The following MARCHF7 variants were observed in gnomAD, a reference collection of about 807,000 sequenced individuals.
MARCHF7 encodes the protein membrane associated ring-CH-type finger 7, also known as E3 ubiquitin-protein ligase MARCHF7.
A neutral mutation model predicts 76.5 loss-of-function variants in MARCHF7; 20 were observed. That is an observed-to-expected ratio of 0.26 (90% CI 0.18 to 0.38). The LOEUF (loss-of-function observed/expected upper bound fraction) is 0.38. Among genes scored for constraint, MARCHF7 ranks in the 10% least tolerant of loss-of-function variants. The probability of loss-of-function intolerance (pLI) is 1.00; values close to 1 mark genes in which losing one functional copy is unlikely to be tolerated. For synonymous variants in MARCHF7, 295 were observed against 293.0 expected (o/e 1.01, Z -0.07); for missense variants, 797 against 812.9 (o/e 0.98, Z 0.24).
At chr2:159,725,860 C>G (rs975678916) in intron 3 of MARCHF7, among the ~76,000 whole-genome samples, 1 of 152,112 alleles carries the variant, frequency 6.6e-6, no homozygotes, top group African/African-American at 2.4e-5. Flanking sequence ...ATAGAATGGT[C>G]TAGTGGAAGG....
chr2:159,735,819 TCACTTGTGTTTG>T (rs1312284400), intron 4 of MARCHF7, among the ~76,000 whole-genome samples: 2 of 152,360 alleles, frequency 1.3e-5, no homozygotes, highest in African/African-American at 4.8e-5. Flanking sequence ...ACTTGTGTTT[TCACTTGTGTTTG>T]GTATGTACTA....
chr2:159,725,015 TC>T (rs1702010138), intron 3 of MARCHF7, among the ~76,000 whole-genome samples: 2 of 152,200 alleles, frequency 1.3e-5, no homozygotes, highest in African/African-American at 4.8e-5. Flanking sequence ...CATGAACTCA[TC>T]CTTTTTTATG....
chr2:159,740,815 C>T (rs548175480), intron 4 of MARCHF7, among the ~76,000 whole-genome samples: 1 of 152,300 alleles, frequency 6.6e-6, no homozygotes, highest in South Asian at 2.1e-4. Flanking sequence ...ACTTTATTTT[C>T]AAAGTTTCTT....
intron 4 of MARCHF7, among the ~76,000 whole-genome samples, chr2:159,731,604 A>G (rs891747695): frequency 2.6e-5 from 4 of 151,670 alleles, no homozygotes; most frequent in Non-Finnish European, 5.9e-5. Flanking sequence ...AAAAGACAAA[A>G]TTAGCTGGGC....
At chr2:159,721,066 C>T (rs1701589055) in intron 3 of MARCHF7, among the ~76,000 whole-genome samples, 1 of 151,508 alleles carries the variant, frequency 6.6e-6, no homozygotes, top group Non-Finnish European at 1.5e-5. Context: ...GCGGTTTCGC[C>T]ATGTTGGCCA....
intron 3 of MARCHF7, among the ~76,000 whole-genome samples, chr2:159,725,911 A>G (rs1242388345): frequency 6.6e-6 from 1 of 152,190 alleles, no homozygotes; most frequent in African/African-American, 2.4e-5. Context: ...ACATTCAGAA[A>G]TCTTATCACG....
At chr2:159,763,360 T>G (rs1183511501) in intron 10 of MARCHF7, among the ~76,000 whole-genome samples, 1 of 152,180 alleles carries the variant, frequency 6.6e-6, no homozygotes, top group East Asian at 1.9e-4. Context: ...CCAAAGAGTA[T>G]GGGAAATTAA....
chr2:159,739,111 G>A (rs1703818654), intron 4 of MARCHF7, among the ~76,000 whole-genome samples: 1 of 152,210 alleles, frequency 6.6e-6, no homozygotes, highest in African/African-American at 2.4e-5. Flanking sequence ...CAGGAGGCGG[G>A]GGCGGGAAGG....
At chr2:159,722,192 A>G (rs570447918) in intron 3 of MARCHF7, among the ~76,000 whole-genome samples, 1 of 151,998 alleles carries the variant, frequency 6.6e-6, no homozygotes, top group East Asian at 1.9e-4. Context: ...GCTGGTGTGC[A>G]GTGGCCCAGT....
chr2:159,734,200 G>T (rs1560002065), intron 4 of MARCHF7: 1 of 844,818 alleles, frequency 1.2e-6, no homozygotes, highest in Non-Finnish European at 1.6e-6. Flanking sequence ...CTTTAAGGAA[G>T]CACTAATCTG....
chr2:159,718,997 T>G (rs997134840), intron 3 of MARCHF7, among the ~76,000 whole-genome samples: 1 of 152,090 alleles, frequency 6.6e-6, no homozygotes, highest in Non-Finnish European at 1.5e-5. Context: ...TTGCTTATTA[T>G]TATTATTTTC....
intron 9 of MARCHF7, among the ~76,000 whole-genome samples, chr2:159,762,197 T>C (rs1461257369): frequency 6.6e-6 from 1 of 152,210 alleles, no homozygotes; most frequent in African/African-American, 2.4e-5. Context: ...TGATTTGTCC[T>C]TTTTTCTTTA....
At position 159,729,067 on chromosome 2, in the gene MARCHF7, A is replaced by G. The variant is rs147069074; in HGVS notation, c.45A>G (p.Gln15=). The change falls in exon 4 of 12, where the codon CAA becomes CAG. Residue 15 remains glutamine (Q), a synonymous_variant. Coordinates refer to ENST00000409175, the MANE Select transcript of MARCHF7 (RefSeq NM_001282805.2). ...PSRIPRRISV[Q]PSSSLSARMM... ...GGATTCCAAGAAGAATTTCTGTTCA[A>G]CCTTCCAGCTCCTTAAGTGCTAGGA... is the stretch of plus-strand genomic sequence containing the variant. 8.7e-5 allele frequency: 140 copies of G among 1,606,430 alleles called. No homozygotes were observed. The highest frequency in any genetic ancestry group is 5.3e-4 in the Middle Eastern group (3 of 5,632).
At chr2:159,751,502 T>A (rs2125631520) in intron 7 of MARCHF7, among the ~76,000 whole-genome samples, 1 of 152,336 alleles carries the variant, frequency 6.6e-6, no homozygotes, top group Middle Eastern at 3.4e-3. Flanking sequence ...TGCTTGAGGT[T>A]ATGTCTGATT....
chr2:159,755,229 G>T (rs575172325), intron 8 of MARCHF7, among the ~76,000 whole-genome samples: 3 of 152,108 alleles, frequency 2.0e-5, no homozygotes, highest in African/African-American at 7.2e-5. Flanking sequence ...ACACAGGAGG[G>T]GACGCTTAAA....
At chr2:159,743,446 T>C (rs138900442) in intron 5 of MARCHF7, among the ~76,000 whole-genome samples, 193 bp downstream of exon 5, 22 of 152,338 alleles carry the variant, frequency 1.4e-4, no homozygotes, top group African/African-American at 4.6e-4. Context: ...AAAATTGATA[T>C]AGATATCCTA....
At chr2:159,729,892 A>T (rs563307187) in intron 4 of MARCHF7, among the ~76,000 whole-genome samples, 6 of 152,208 alleles carry the variant, frequency 3.9e-5, no homozygotes, top group Admixed American at 6.5e-5. Context: ...CTGTGAGATT[A>T]TAACTTCTAA....
chr2:159,756,687 CAAAAAAAAAA>C (rs869261420), intron 8 of MARCHF7, among the ~76,000 whole-genome samples: 10 of 64,242 alleles, frequency 1.6e-4, no homozygotes, highest in East Asian at 1.2e-3. Flanking sequence ...CACTCAGTCT[CAAAAAAAAAA>C]AAAAAAAAAA....
intron 1 of MARCHF7, among the ~76,000 whole-genome samples, chr2:159,713,350 A>G (rs890185062): frequency 5.3e-5 from 8 of 152,146 alleles, no homozygotes; most frequent in Non-Finnish European, 1.0e-4. Flanking sequence ...TCACCCCAAA[A>G]TGCTGCACTT....
Sources: gnomAD v4.1 joint callset for allele counts (sites outside exome capture counted in the v4.1 genomes callset) on GRCh38, gnomAD v4.1.1 for gene constraint, MANE v1.5 for transcripts, NCBI Gene and HGNC (gene_info 2026-07-23, HGNC 2026-07-21) for gene names.